Variants in GRM4 observed in about 807,000 individuals in gnomAD.
GRM4 encodes glutamate metabotropic receptor 4.
GRM4 carries 28 observed loss-of-function variants against 81.7 expected under a neutral mutation model. The ratio of observed to expected loss-of-function variants is 0.34; its 90% confidence interval spans 0.25 to 0.47. The LOEUF is 0.47. GRM4 is among the 20% of genes least tolerant of loss of function. The pLI is 1.00. For synonymous variants in GRM4, 488 were observed against 528.8 expected (o/e 0.92, Z 1.06); for missense variants, 948 against 1,290.0 (o/e 0.73, Z 4.06).
chr6:34,124,963 A>C (rs576202966), intron 2 of GRM4, among the ~76,000 whole-genome samples: 37 of 151,634 alleles, frequency 2.4e-4, no homozygotes, highest in African/African-American at 8.9e-4. Flanking sequence ...GAGGCCCCCA[A>C]AGGCCTCCAC....
upstream of GRM4, among the ~76,000 whole-genome samples, chr6:34,150,007 C>T (rs80318660): frequency 5.6e-3 from 860 of 152,258 alleles, 12 homozygotes; most frequent in African/African-American, 0.019. Context: ...GGATACTGCC[C>T]CAGGCCTCCT....
intron 3 of GRM4, among the ~76,000 whole-genome samples, chr6:34,086,163 G>A (rs553247044): frequency 2.2e-4 from 33 of 152,326 alleles, no homozygotes; most frequent in African/African-American, 7.9e-4. Context: ...TGGAGCCTCC[G>A]TAGATGGGGT....
intron 2 of GRM4, chr6:34,103,747 A>G: frequency 6.7e-7 from 1 of 1,486,618 alleles, no homozygotes; most frequent in Non-Finnish European, 8.9e-7. Flanking sequence ...CATAGGTGAG[A>G]AGCTGCCTCG....
rs796136504 is a variant in GRM4, at chr6:34,080,281, C to T, written c.736+11602G>A. Reference sequence around the variant, plus strand: ...CAGGGAAGAGTCTCCCTTACTTGCCCCTCTCTGTCCACTTACACTGCTTTG... The same window carrying T: ...CAGGGAAGAGTCTCCCTTACTTGCCTCTCTCTGTCCACTTACACTGCTTTG... On this transcript the variant is annotated intron_variant, in intron 3 of 10. Coordinates refer to ENST00000538487, the MANE Select transcript of GRM4 (RefSeq NM_000841.4). This position sits in a 1 kb window ranked among gnomAD's most constrained non-coding sequence, Gnocchi z 5.4. 1.3e-5 allele frequency among the ~76,000 whole-genome samples: 2 copies of T among 152,318 alleles called. No homozygotes were observed. Among genetic ancestry groups the T allele is most frequent in the African/African-American group, 4.8e-5 (2 of 41,556 alleles).
chr6:34,090,463 G>C lies in GRM4; in HGVS notation c.736+1420C>G, dbSNP rs1768142361. On this transcript the variant is annotated intron_variant, in intron 3 of 10. Coordinates refer to ENST00000538487, the MANE Select transcript of GRM4 (RefSeq NM_000841.4). The surrounding 1 kb of genome is among the most constrained non-coding windows in gnomAD (Gnocchi z 5.2). Reference sequence around the variant, plus strand: ...ATGTGGGTGGCCCAAGGGAGGGGCTGGGCTCTGGGGCTCGGAGGCTCTGAC... The same window carrying C: ...ATGTGGGTGGCCCAAGGGAGGGGCTCGGCTCTGGGGCTCGGAGGCTCTGAC... 6.6e-6 allele frequency among the ~76,000 whole-genome samples: 1 copy of C among 152,124 alleles called. No homozygotes were observed. The highest frequency in any genetic ancestry group is 2.1e-4 in the South Asian group (1 of 4,824).
intron 6 of GRM4, chr6:34,056,225 A>G (rs77593621): frequency 0.014 from 3,782 of 273,664 alleles, 114 homozygotes; most frequent in African/African-American, 0.072. Flanking sequence ...CCTGGTGTGC[A>G]TCAAGACTGG....
intron 2 of GRM4, among the ~76,000 whole-genome samples, chr6:34,125,710 G>C (rs1450177444): frequency 6.6e-6 from 1 of 152,232 alleles, no homozygotes; most frequent in Non-Finnish European, 1.5e-5. Context: ...CAATGCCAGG[G>C]TTCCCCTCCT....
Position 34,059,434 on chromosome 6 carries a change from C to T in GRM4, c.873-306G>A, listed in dbSNP as rs561800899. 491 of 410,910 alleles carry T rather than the reference C, an allele frequency of 1.2e-3. 5 individuals are homozygous for T. The highest frequency in any genetic ancestry group is 8.8e-3 in the African/African-American group (437 of 49,920). 25.5% of individuals were successfully genotyped at this position (410,910 alleles called of 1,614,324 possible). ...AAGACCACACCTCTCCCCTCCAGAT[C>T]CACACCCGCCCCACGTCTGACTCAG... On this transcript the variant is annotated intron_variant, in intron 4 of 10. Coordinates refer to ENST00000538487, the MANE Select transcript of GRM4 (RefSeq NM_000841.4). The surrounding 1 kb of genome is among the most constrained non-coding windows in gnomAD (Gnocchi z 5.7).
chr6:34,044,751 T>TACACAGACAC (rs796918373), intron 6 of GRM4, among the ~76,000 whole-genome samples: 36,154 of 132,378 alleles, frequency 0.27, 6,219 homozygotes, highest in African/African-American at 0.46. Flanking sequence ...TACACATATA[T>TACACAGACAC]ACACATACAC....
intron 6 of GRM4, among the ~76,000 whole-genome samples, chr6:34,051,540 G>A (rs138883682): frequency 4.5e-4 from 69 of 152,164 alleles, no homozygotes; most frequent in African/African-American, 1.6e-3. Context: ...CCGCTCAGCC[G>A]TCACCTGGCT....
intron 8 of GRM4, among the ~76,000 whole-genome samples, chr6:34,039,168 G>A (rs1027112506): frequency 2.0e-5 from 3 of 152,056 alleles, no homozygotes; most frequent in Admixed American, 1.3e-4. Context: ...CCTGCCACAC[G>A]GTGTGGCCTT....
intron 9 of GRM4, among the ~76,000 whole-genome samples, chr6:34,032,479 G>A (rs1764485137): frequency 6.6e-6 from 1 of 152,220 alleles, no homozygotes; most frequent in African/African-American, 2.4e-5. Flanking sequence ...TAAGAAGCCT[G>A]GTAGTCTGAA....
At position 34,059,091 on chromosome 6, in the gene GRM4, C is replaced by A. The variant is rs1766049594; in HGVS notation, c.910G>T (p.Gly304Cys). ...LEAARRANQT[G>C]HFFWMGSDSW... ...TCAGAGCCCATCCAGAAGAAATGGC[C>A]TGTCTGGTTGGCCCTTCGTGCTGCC... is the stretch of plus-strand genomic sequence containing the variant. The change falls in exon 5 of 11, where the codon GGC becomes TGC. Residue 304 changes from glycine (G) to cysteine (C), a missense_variant. By Grantham distance (159) the Gly-to-Cys change is radical. Coordinates refer to ENST00000538487, the MANE Select transcript of GRM4 (RefSeq NM_000841.4). This position sits in a 1 kb window ranked among gnomAD's most constrained non-coding sequence, Gnocchi z 5.7. 6.2e-7 allele frequency: 1 copy of A among 1,613,918 alleles called. No homozygotes were observed. The highest frequency in any genetic ancestry group is 2.2e-5 in the East Asian group (1 of 44,874).
At chr6:34,105,487 G>A (rs377387130) in intron 2 of GRM4, among the ~76,000 whole-genome samples, 8 of 152,040 alleles carry the variant, frequency 5.3e-5, no homozygotes, top group Admixed American at 1.3e-4. Flanking sequence ...TGGTGGTCCC[G>A]CTCCTGGCGC....
intron 9 of GRM4, among the ~76,000 whole-genome samples, chr6:34,031,681 G>A (rs938596731): frequency 6.6e-6 from 1 of 152,174 alleles, no homozygotes; most frequent in African/African-American, 2.4e-5. Flanking sequence ...GAGAAAGCCC[G>A]CTCAGTGTAA....
At chr6:34,023,328 C>G (rs1181454542) in intron 10 of GRM4, among the ~76,000 whole-genome samples, 1 of 152,222 alleles carries the variant, frequency 6.6e-6, no homozygotes. Flanking sequence ...AAAGGGAAGT[C>G]TTTCAGAAGT....
At chr6:34,150,661 G>A (rs576543213), upstream of GRM4, among the ~76,000 whole-genome samples, 4 of 152,232 alleles carry the variant, frequency 2.6e-5, no homozygotes, top group South Asian at 8.3e-4. Flanking sequence ...TGACCTGAGA[G>A]ATGATGCTTC....
chr6:34,125,776 C>A (rs1471116391), intron 2 of GRM4, among the ~76,000 whole-genome samples: 1 of 152,230 alleles, frequency 6.6e-6, no homozygotes, highest in Non-Finnish European at 1.5e-5. Context: ...TCTGGAGGTT[C>A]CCCTTCCCAG....
intron 2 of GRM4, among the ~76,000 whole-genome samples, chr6:34,124,356 C>A (rs1015508776): frequency 6.6e-5 from 10 of 152,218 alleles, no homozygotes; most frequent in African/African-American, 2.2e-4. Flanking sequence ...GGCCCCCCCA[C>A]CAACCCTGCC....
Sources: gnomAD v4.1 joint callset for allele counts (sites outside exome capture counted in the v4.1 genomes callset) on GRCh38, gnomAD v4.1.1 for gene constraint, Gnocchi (gnomAD v3.1) non-coding constraint, MANE v1.5 for transcripts, NCBI Gene and HGNC (gene_info 2026-07-23, HGNC 2026-07-21) for gene names.